ARHGEF9: variants seen among roughly 807,000 people sequenced by gnomAD.
ARHGEF9 encodes the protein rho guanine nucleotide exchange factor 9.
ARHGEF9 carries 2 observed loss-of-function variants against 41.3 expected under a neutral mutation model. That is an observed-to-expected ratio of 0.05 (90% CI 0.02 to 0.15). ARHGEF9 has a LOEUF of 0.15. ARHGEF9 is among the 10% of genes least tolerant of loss of function. The pLI, the probability that ARHGEF9 is intolerant of heterozygous loss-of-function variation, is 1.00. For missense variants in ARHGEF9, 225 were observed against 424.7 expected (o/e 0.53, Z 4.13); for synonymous variants, 160 against 154.4 (o/e 1.04, Z -0.27).
intron 2 of ARHGEF9, chrX:63,722,659 A>G (rs2053705640): frequency 9.0e-6 from 1 of 111,317 alleles, no homozygotes; most frequent in Non-Finnish European, 1.9e-5. Flanking sequence ...TATAAAAGTA[A>G]CATTTCCTTG....
chrX:63,646,103 G>A (rs1427247355), intron 8 of ARHGEF9, among the ~76,000 whole-genome samples: 1 of 111,196 alleles, frequency 9.0e-6, no homozygotes, highest in Non-Finnish European at 1.9e-5. Flanking sequence ...AAATTTGTTT[G>A]AGTTCATTGT....
At chrX:63,707,277 G>C (rs2052606031) in intron 2 of ARHGEF9, 1 of 101,119 alleles carries the variant, frequency 9.9e-6, no homozygotes, top group Non-Finnish European at 2.0e-5. Flanking sequence ...AAGGTGGGCA[G>C]ACAATTATTA....
intron 4 of ARHGEF9, among the ~76,000 whole-genome samples, chrX:63,696,260 A>G (rs2051740310): frequency 8.9e-6 from 1 of 111,895 alleles, no homozygotes; most frequent in African/African-American, 3.2e-5. Context: ...TGAATTTTAT[A>G]TTAAGTGCAC....
chrX:63,706,088 C>T (rs1306586370), intron 3 of ARHGEF9, among the ~76,000 whole-genome samples, 170 bp downstream of exon 3: 1 of 111,133 alleles, frequency 9.0e-6, no homozygotes, highest in African/African-American at 3.3e-5. Flanking sequence ...GATTGAGAAA[C>T]CCTAAGGAAG....
At chrX:63,721,150 A>G (rs1443484655) in intron 2 of ARHGEF9, among the ~76,000 whole-genome samples, 1 of 111,812 alleles carries the variant, frequency 8.9e-6, no homozygotes, top group Non-Finnish European at 1.9e-5. Flanking sequence ...TAGAGGTGAA[A>G]AGCTTTTCCC....
At chrX:63,639,069 T>C (rs1329001772) in intron 9 of ARHGEF9, among the ~76,000 whole-genome samples, 1 of 112,096 alleles carries the variant, frequency 8.9e-6, no homozygotes, top group African/African-American at 3.2e-5. Context: ...ACATACAGCA[T>C]ATAATTCAGA....
At chrX:63,653,305 C>A (rs1465837452) in intron 8 of ARHGEF9, among the ~76,000 whole-genome samples, 1 of 111,571 alleles carries the variant, frequency 9.0e-6, no homozygotes, top group Non-Finnish European at 1.9e-5. Flanking sequence ...TCCTGACTGC[C>A]TGTAGATGAC....
chrX:63,750,538 C>A (rs1293323873), intron 1 of ARHGEF9, among the ~76,000 whole-genome samples: 1 of 111,582 alleles, frequency 9.0e-6, no homozygotes, highest in Non-Finnish European at 1.9e-5. Context: ...ATTCCCCAAG[C>A]CACAGACAAA....
At chrX:63,738,187 A>G (rs1556424456) in intron 1 of ARHGEF9, among the ~76,000 whole-genome samples, 1 of 111,786 alleles carries the variant, frequency 8.9e-6, no homozygotes, top group East Asian at 2.8e-4. Context: ...AGAATCTCCA[A>G]AGCATAGCAA....
intron 4 of ARHGEF9, among the ~76,000 whole-genome samples, chrX:63,696,766 T>C (rs1556388483): frequency 9.0e-6 from 1 of 110,705 alleles, no homozygotes; most frequent in Non-Finnish European, 1.9e-5. Flanking sequence ...GGGAGGGGAA[T>C]GGTAAAGAAG....
intron 1 of ARHGEF9, among the ~76,000 whole-genome samples, chrX:63,773,227 G>C (rs1314240819): frequency 8.9e-5 from 10 of 112,168 alleles, no homozygotes; most frequent in African/African-American, 3.2e-4. Context: ...TTAAGAAGAA[G>C]CTCCTCACAT....
At chrX:63,661,413 G>A (rs781791439) in intron 7 of ARHGEF9, among the ~76,000 whole-genome samples, 13 of 111,769 alleles carry the variant, frequency 1.2e-4, no homozygotes, top group Admixed American at 2.9e-4. Context: ...CAGGAAAAGC[G>A]GATCTGCTCC....
intron 1 of ARHGEF9, among the ~76,000 whole-genome samples, chrX:63,782,486 G>A (rs1258904628): frequency 7.1e-5 from 8 of 112,112 alleles, no homozygotes; most frequent in South Asian, 7.4e-4. Flanking sequence ...ACAATTTACC[G>A]TCCAGTGTGA....
At chrX:63,685,195 T>C (rs782271338) in intron 4 of ARHGEF9, among the ~76,000 whole-genome samples, 2 of 111,853 alleles carry the variant, frequency 1.8e-5, no homozygotes, top group South Asian at 3.7e-4. Context: ...CACTTCATCA[T>C]TTATATCAAA....
At chrX:63,646,887 G>A (rs1189362060) in intron 8 of ARHGEF9, among the ~76,000 whole-genome samples, 1 of 111,332 alleles carries the variant, frequency 9.0e-6, no homozygotes, top group African/African-American at 3.3e-5. Flanking sequence ...CCACTTGTTT[G>A]TATCCTCTTT....
At position 63,724,569 on chromosome X, in the gene ARHGEF9, T is replaced by C; in HGVS notation, c.173A>G (p.Asp58Gly). The change falls in exon 2 of 10, where the codon GAC (aspartate) becomes GGC (glycine). Residue 58 changes from aspartate to glycine, a missense_variant. Asp to Gly is a moderately conservative substitution (Grantham distance 94, BLOSUM62 -1). Around this residue, in one of 3 missense-constraint regions of ARHGEF9, gnomAD observed 114 missense variants for 197.9 expected, o/e 0.58. Coordinates refer to ENST00000671741, the MANE Select transcript of ARHGEF9 (RefSeq NM_001353921.2). Reference sequence around the variant, plus strand: ...GGCAGGAAACCATCCCTCCTCATCGTCGATCTGGCCCCACCACCAATCCTT... The same window carrying C: ...GGCAGGAAACCATCCCTCCTCATCGCCGATCTGGCCCCACCACCAATCCTT... The part of the protein sequence containing the change: ...SNKDWWWGQI[D>G]DEEGWFPASF... 3 of 1,211,180 alleles carry C rather than the reference T, an allele frequency of 2.5e-6. No individual in the cohort carries two copies. The highest frequency in any genetic ancestry group is 3.4e-6 in the Non-Finnish European group (3 of 895,414).
chrX:63,785,047 G>C, intron 1 of ARHGEF9, 69 bp downstream of exon 1: 1 of 1,132,573 alleles, frequency 8.8e-7, no homozygotes, highest in Non-Finnish European at 1.2e-6. Flanking sequence ...TGGCTCGTTG[G>C]AGGAACTGGA....
chrX:63,691,195 A>T (rs1226524642), intron 4 of ARHGEF9, among the ~76,000 whole-genome samples: 8 of 111,826 alleles, frequency 7.2e-5, no homozygotes, highest in African/African-American at 1.9e-4. Context: ...AAATCAAATT[A>T]TCCTTGTTAG....
chrX:63,696,817 G>A (rs1356558839), intron 4 of ARHGEF9, among the ~76,000 whole-genome samples: 5 of 111,697 alleles, frequency 4.5e-5, no homozygotes, highest in African/African-American at 1.6e-4. Context: ...CACCACATAC[G>A]ACACTGCCAT....
Sources: gnomAD v4.1 joint callset for allele counts (sites outside exome capture counted in the v4.1 genomes callset) on GRCh38, gnomAD v4.1.1 for gene constraint, gnomAD v4.1.1 regional missense constraint, MANE v1.5 for transcripts, NCBI Gene and HGNC (gene_info 2026-07-23, HGNC 2026-07-21) for gene names.